HEG1: variants seen among roughly 807,000 people sequenced by gnomAD.
The protein encoded by HEG1 is heart development protein with EGF like domains 1.
In HEG1, 56 loss-of-function variants were observed where a neutral mutation model predicts 125.6. The observed-to-expected ratio is 0.45, with a 90% CI of 0.36 to 0.56. HEG1 has a LOEUF of 0.56. Among genes scored for constraint, HEG1 ranks in the 20% least tolerant of loss-of-function variants. The pLI is 0.00. For missense variants in HEG1, 1,523 were observed against 1,670.0 expected, an observed-to-expected ratio of 0.91 and a Z score of 1.53; for synonymous variants, 644 against 668.5, an observed-to-expected ratio of 0.96 and a Z score of 0.57.
At chr3:125,022,260 T>C (rs1169703554) in intron 3 of HEG1, among the ~76,000 whole-genome samples, 1 of 152,182 alleles carries the variant, frequency 6.6e-6, no homozygotes, top group African/African-American at 2.4e-5. Flanking sequence ...TACACTTATA[T>C]AATAAAAGGC....
chr3:124,990,842 A>T lies in HEG1; in HGVS notation c.3696-18T>A. On this transcript the variant is annotated intron_variant, in intron 13 of 16. Transcript: ENST00000311127. Reference sequence around the variant, plus strand: ...ATGGGCAACTGCAAGCCAAGAAAGAAAAAAGGGCAAGAATTAGTTTCCAAT... The same window carrying T: ...ATGGGCAACTGCAAGCCAAGAAAGATAAAAGGGCAAGAATTAGTTTCCAAT... 6.4e-7 allele frequency: 1 copy of T among 1,561,004 alleles called. No individual in the cohort carries two copies. The highest frequency in any genetic ancestry group is 1.4e-5 in the African/African-American group (1 of 73,750).
chr3:125,014,852 G>C, intron 5 of HEG1: 4 of 1,289,922 alleles, frequency 3.1e-6, no homozygotes, highest in Non-Finnish European at 4.0e-6. Flanking sequence ...TCGTGCTCAT[G>C]CTGGTGTTGG....
At position 125,055,730 on chromosome 3, in the gene HEG1, A is replaced by T; in HGVS notation, c.161T>A (p.Leu54Gln). 1 of 1,043,382 alleles carries T rather than the reference A, an allele frequency of 9.6e-7. No homozygotes were observed. Among genetic ancestry groups the T allele is most frequent in the Non-Finnish European group, 1.1e-6 (1 of 869,810 alleles). The allele number at this position is 1,043,382 out of a possible 1,614,324, so 64.6% of individuals were successfully genotyped here. A position where few individuals can be genotyped will look rare whatever the true frequency, so the allele number is the denominator to read the frequency against. Residue 54 changes from leucine to glutamine, a missense_variant, in exon 1 of 17, where the codon CTG becomes CAG. Transcript: ENST00000311127. ...LAPLAGAGLE[L>Q]QLERRPEREP... ...GCGCTCCGGGCGGCGCTCCAGCTGC[A>T]GCTCCAGCCCCGCTCCCGCGAGGGG...
rs1457532721 is a variant in HEG1 at position 124,968,929 on chromosome 3, A to G, written c.*1723T>C. On this transcript the variant is annotated 3_prime_UTR_variant, in exon 17 of 17. Coordinates refer to ENST00000311127, the MANE Select transcript of HEG1 (RefSeq NM_020733.2). ...TCTCATGGATAAGTGCAATGTAACT[A>G]CTAAAATGCACCTCCCCTGACTAGG... The G allele has an allele frequency of 6.6e-6, 1 of 152,224 alleles. No homozygotes were observed. The highest frequency in any genetic ancestry group is 1.5e-5 in the Non-Finnish European group (1 of 68,038). 9.4% of individuals were successfully genotyped at this position (152,224 alleles called of 1,614,324 possible). A position where few individuals can be genotyped will look rare whatever the true frequency, so the allele number is the denominator to read the frequency against.
chr3:125,043,884 C>A (rs896986404), intron 1 of HEG1, among the ~76,000 whole-genome samples: 2 of 151,640 alleles, frequency 1.3e-5, no homozygotes, highest in African/African-American at 4.8e-5. Flanking sequence ...GGGGGAGAGG[C>A]GGGTGCAGGA....
intron 14 of HEG1, among the ~76,000 whole-genome samples, chr3:124,985,254 T>C (rs1455496983): frequency 3.3e-5 from 5 of 152,142 alleles, no homozygotes; most frequent in African/African-American, 1.2e-4. Flanking sequence ...CACTTAGTAG[T>C]AAGGAAACAT....
At chr3:124,978,184 G>A (rs1197481005) in intron 14 of HEG1, among the ~76,000 whole-genome samples, 2 of 152,148 alleles carry the variant, frequency 1.3e-5, no homozygotes, top group Non-Finnish European at 2.9e-5. Context: ...GTCTCACCCT[G>A]TCGCCCAGGC....
intron 14 of HEG1, among the ~76,000 whole-genome samples, chr3:124,980,626 C>T (rs1936631756): frequency 1.3e-5 from 2 of 152,086 alleles, no homozygotes; most frequent in African/African-American, 4.8e-5. Context: ...AAGCGATTCT[C>T]ATGCCTCAAC....
chr3:125,055,244 T>C (rs1385284532), intron 1 of HEG1, among the ~76,000 whole-genome samples: 1 of 152,162 alleles, frequency 6.6e-6, no homozygotes, highest in Non-Finnish European at 1.5e-5. Context: ...GCTGGCCAGA[T>C]ATCGGAGGTG....
chr3:125,045,111 G>C (rs1272374657), intron 1 of HEG1, among the ~76,000 whole-genome samples: 2 of 152,228 alleles, frequency 1.3e-5, no homozygotes, highest in Non-Finnish European at 2.9e-5. Context: ...TCTTAGAGGA[G>C]GAAGAGATGA....
intron 6 of HEG1, 74 bp downstream of exon 6, chr3:125,012,549 C>T: frequency 7.1e-7 from 1 of 1,399,462 alleles, no homozygotes; most frequent in Non-Finnish European, 9.6e-7. Context: ...TTCACATGAA[C>T]CCCGAGCCCC....
intron 12 of HEG1, among the ~76,000 whole-genome samples, chr3:124,991,437 C>T (rs1408322168): frequency 6.6e-6 from 1 of 152,190 alleles, no homozygotes. Context: ...AGGCATGATT[C>T]GCCATGCCTA....
chr3:124,978,396 C>T (rs373895229), intron 14 of HEG1, among the ~76,000 whole-genome samples: 1 of 152,308 alleles, frequency 6.6e-6, no homozygotes. Context: ...ATCCACCTGC[C>T]TCGGCCTCCC....
chr3:125,013,849 G>A lies in HEG1; in HGVS notation c.1730C>T (p.Ser577Phe). Residue 577 changes from serine (S) to phenylalanine (F), a missense_variant, in exon 6 of 17, where the codon TCC (serine) becomes TTC (phenylalanine). By Grantham distance (155) the Ser-to-Phe change is radical. Coordinates refer to ENST00000311127, the MANE Select transcript of HEG1 (RefSeq NM_020733.2). ...ALLSITDNSS[S>F]SDIVESSTSY... is the part of the protein sequence containing the mutation. ...AGTTGAGCTCTCCACAATGTCTGAG[G>A]ATGAACTGTTATCTGTAATGGACAG... 1 of 1,613,904 alleles carries A rather than the reference G, an allele frequency of 6.2e-7. No individual in the cohort carries two copies.
intron 1 of HEG1, among the ~76,000 whole-genome samples, chr3:125,048,287 A>T (rs1246145978): frequency 6.6e-6 from 1 of 152,246 alleles, no homozygotes; most frequent in Non-Finnish European, 1.5e-5. Flanking sequence ...CCTTGCAACC[A>T]GAGCCCCATA....
At chr3:125,011,393 C>CA (rs1230758733) in intron 6 of HEG1, among the ~76,000 whole-genome samples, 2 of 152,182 alleles carry the variant, frequency 1.3e-5, no homozygotes, top group African/African-American at 2.4e-5. Flanking sequence ...AACACTGGCA[C>CA]AAAAAATATA....
At chr3:125,029,065 T>C in intron 2 of HEG1, 130 bp downstream of exon 2, 1 of 956,270 alleles carries the variant, frequency 1.0e-6, no homozygotes, top group South Asian at 1.7e-5. Context: ...GTCACAGGTC[T>C]GACCCACCCC....
intron 14 of HEG1, among the ~76,000 whole-genome samples, chr3:124,984,403 GA>G (rs1397853672): frequency 2.6e-5 from 4 of 152,072 alleles, no homozygotes; most frequent in African/African-American, 9.7e-5. Context: ...TCTGTGGCCA[GA>G]AAAAAGTAAT....
intron 14 of HEG1, among the ~76,000 whole-genome samples, chr3:124,987,966 T>TATATATAC (rs1936770602): frequency 1.9e-5 from 1 of 51,420 alleles, no homozygotes; most frequent in African/African-American, 5.8e-5. Context: ...TATATATATA[T>TATATATAC]ATATATATAC....
Sources: allele counts gnomAD v4.1 joint callset (sites outside exome capture counted in the v4.1 genomes callset), GRCh38; gene constraint gnomAD v4.1.1; transcripts MANE v1.5; gene names NCBI Gene and HGNC (gene_info 2026-07-23, HGNC 2026-07-21).